The following ACYP2 variants were observed in gnomAD, a reference collection of about 807,000 sequenced individuals.
ACYP2 encodes acylphosphatase 2.
A neutral mutation model predicts 11.2 loss-of-function variants in ACYP2; 12 were observed. The observed-to-expected ratio is 1.08, with a 90% CI of 0.69 to 1.74. The LOEUF is 1.74. ACYP2 is among the 40% of genes most tolerant of loss of function. The pLI is 0.00. For missense variants in ACYP2, 134 were observed against 101.9 expected, an observed-to-expected ratio of 1.31 and a Z score of -1.35; for synonymous variants, 43 against 32.2, an observed-to-expected ratio of 1.33 and a Z score of -1.13.
chr2:54,128,894 C>T (rs1292407406), intron 4 of ACYP2, among the ~76,000 whole-genome samples: 1 of 152,086 alleles, frequency 6.6e-6, no homozygotes, highest in Non-Finnish European at 1.5e-5. Flanking sequence ...ACACTGAGGG[C>T]AGATCTTACC....
At chr2:54,119,051 CTTTTTTTTTTTTTTTTT>C (rs10542497) in intron 4 of ACYP2, among the ~76,000 whole-genome samples, 10 of 43,774 alleles carry the variant, frequency 2.3e-4, no homozygotes, top group East Asian at 8.9e-4. Flanking sequence ...TCTTAGTAGT[CTTTTTTTTTTTTTTTTT>C]TTTTTTTTTT....
At chr2:54,257,200 C>T (rs1452472980) in intron 6 of ACYP2, among the ~76,000 whole-genome samples, 2 of 152,004 alleles carry the variant, frequency 1.3e-5, no homozygotes, top group Non-Finnish European at 2.9e-5. Flanking sequence ...ACAGCAAGAC[C>T]CCATCTCTAT....
At chr2:54,256,135 C>A (rs61736715) in intron 6 of ACYP2, 143,352 of 1,612,988 alleles carry the variant, frequency 0.089, 6,907 homozygotes, top group Middle Eastern at 0.16. Context: ...GCTGTGAGGA[C>A]TCTCCGGGAG....
At chr2:54,037,718 T>A (rs1239282465) in intron 2 of ACYP2, among the ~76,000 whole-genome samples, 1 of 152,206 alleles carries the variant, frequency 6.6e-6, no homozygotes, top group Non-Finnish European at 1.5e-5. Flanking sequence ...TAAAACATGC[T>A]TTTAATTAAC....
chr2:54,277,018 TA>T (rs772019970), intron 6 of ACYP2, among the ~76,000 whole-genome samples: 1 of 152,204 alleles, frequency 6.6e-6, no homozygotes, highest in Non-Finnish European at 1.5e-5. Flanking sequence ...AAATAACATA[TA>T]AAAAATCCTA....
At chr2:54,141,920 C>T in intron 6 of ACYP2, 2 of 614,392 alleles carry the variant, frequency 3.3e-6, no homozygotes, top group Non-Finnish European at 6.0e-6. Flanking sequence ...TCACTGCAGC[C>T]TTGACCTTCT....
chr2:54,058,586 A>G (rs192615566), intron 4 of ACYP2, among the ~76,000 whole-genome samples: 199 of 152,280 alleles, frequency 1.3e-3, no homozygotes, highest in Non-Finnish European at 2.0e-3. Context: ...TTGTACTTTG[A>G]CTACTTATCC....
At chr2:54,231,917 G>C (rs73934410) in intron 6 of ACYP2, among the ~76,000 whole-genome samples, 3 of 152,186 alleles carry the variant, frequency 2.0e-5, no homozygotes, top group Non-Finnish European at 2.9e-5. Context: ...TTTAATAACA[G>C]CAATCCTTTC....
intron 6 of ACYP2, among the ~76,000 whole-genome samples, chr2:54,213,687 A>AT (rs1227159080): frequency 2.6e-5 from 4 of 151,954 alleles, no homozygotes; most frequent in Non-Finnish European, 4.4e-5. Flanking sequence ...GATGTTGAGC[A>AT]TTTTTTCATG....
chr2:54,191,337 G>C (rs1257315225), intron 6 of ACYP2, among the ~76,000 whole-genome samples: 1 of 152,154 alleles, frequency 6.6e-6, no homozygotes, highest in Non-Finnish European at 1.5e-5. Flanking sequence ...CTCCAGCCAT[G>C]CTGGCCTCTC....
At chr2:54,172,875 C>T (rs1683275765) in intron 6 of ACYP2, among the ~76,000 whole-genome samples, 1 of 152,200 alleles carries the variant, frequency 6.6e-6, no homozygotes, top group Non-Finnish European at 1.5e-5. Context: ...AGAACATGAA[C>T]TCATCCTTTC....
intron 4 of ACYP2, among the ~76,000 whole-genome samples, chr2:54,119,665 T>G (rs1054887297): frequency 2.0e-5 from 3 of 152,258 alleles, no homozygotes; most frequent in African/African-American, 7.2e-5. Flanking sequence ...TGCTTGAGTT[T>G]ATTGCAGAAA....
intron 6 of ACYP2, among the ~76,000 whole-genome samples, chr2:54,239,875 T>C (rs1320844571): frequency 6.6e-6 from 1 of 152,240 alleles, no homozygotes; most frequent in Non-Finnish European, 1.5e-5. Context: ...CCAAATGTCA[T>C]GTGTTTACAT....
chr2:54,009,960 G>A (rs1329836606), intron 2 of ACYP2, among the ~76,000 whole-genome samples: 1 of 152,144 alleles, frequency 6.6e-6, no homozygotes, highest in Non-Finnish European at 1.5e-5. Context: ...AACCCAGGCA[G>A]TTTGACCCTA....
At chr2:54,033,153 T>G (rs1284095975) in intron 2 of ACYP2, among the ~76,000 whole-genome samples, 1 of 150,864 alleles carries the variant, frequency 6.6e-6, no homozygotes, top group Non-Finnish European at 1.5e-5. Flanking sequence ...CACAGAGATA[T>G]GAGTGTGGGA....
At chr2:54,018,462 AT>A (rs1424293080) in intron 2 of ACYP2, among the ~76,000 whole-genome samples, 11 of 152,112 alleles carry the variant, frequency 7.2e-5, no homozygotes, top group Admixed American at 7.2e-4. Flanking sequence ...CATTGTAGTA[AT>A]TAATTCAATT....
chr2:54,116,463 C>G (rs184433045), intron 4 of ACYP2, among the ~76,000 whole-genome samples: 135 of 149,526 alleles, frequency 9.0e-4, no homozygotes, highest in Non-Finnish European at 1.8e-3. Flanking sequence ...ATTTTCATTT[C>G]ACTTTTCCCA....
intron 6 of ACYP2, among the ~76,000 whole-genome samples, chr2:54,293,412 G>A (rs1404825301): frequency 1.3e-5 from 2 of 152,184 alleles, no homozygotes; most frequent in African/African-American, 4.8e-5. Flanking sequence ...CTGGTTCTCA[G>A]AATCCTGGGC....
chr2:54,112,857 C>G (rs551154921), intron 4 of ACYP2, among the ~76,000 whole-genome samples: 1 of 152,294 alleles, frequency 6.6e-6, no homozygotes, highest in Admixed American at 6.5e-5. Flanking sequence ...TTCAGCTAAG[C>G]AAATGTCAAT....
Sources: allele counts gnomAD v4.1 joint callset (sites outside exome capture counted in the v4.1 genomes callset), GRCh38; gene constraint gnomAD v4.1.1; transcripts MANE v1.5; gene names NCBI Gene and HGNC (gene_info 2026-07-23, HGNC 2026-07-21).